Variants in SLC8A1 observed in about 807,000 individuals in gnomAD.
SLC8A1 encodes the protein sodium/calcium exchanger 1.
In SLC8A1, 18 loss-of-function variants were observed where a neutral mutation model predicts 68.3. That is an observed-to-expected ratio of 0.26 (90% CI 0.18 to 0.39). The LOEUF is 0.39. Among genes scored for constraint, SLC8A1 ranks in the 10% least tolerant of loss-of-function variants. SLC8A1 has a pLI of 1.00. For missense variants in SLC8A1, 985 were observed against 1,156.7 expected, an observed-to-expected ratio of 0.85 and a Z score of 2.15; for synonymous variants, 475 against 415.5, an observed-to-expected ratio of 1.14 and a Z score of -1.74.
intron 2 of SLC8A1, among the ~76,000 whole-genome samples, chr2:40,361,915 T>TTG: frequency 7.2e-6 from 1 of 139,628 alleles, no homozygotes; most frequent in Non-Finnish European, 1.6e-5. Flanking sequence ...TTTTTTTTTT[T>TTG]TTGGAGACAG....
chr2:40,188,675 T>G (rs921571589), intron 2 of SLC8A1, among the ~76,000 whole-genome samples: 1 of 152,240 alleles, frequency 6.6e-6, no homozygotes, highest in Admixed American at 6.5e-5. Context: ...GCAGCTAGAA[T>G]ATGCTGAAAG....
intron 2 of SLC8A1, among the ~76,000 whole-genome samples, chr2:40,361,754 G>T (rs1674692061): frequency 6.6e-6 from 1 of 151,936 alleles, no homozygotes; most frequent in Non-Finnish European, 1.5e-5. Context: ...TATCGGGTAG[G>T]AAGGATTGCC....
intron 2 of SLC8A1, among the ~76,000 whole-genome samples, chr2:40,364,615 C>T (rs1003713326): frequency 6.6e-6 from 1 of 151,800 alleles, no homozygotes; most frequent in Non-Finnish European, 1.5e-5. Flanking sequence ...AAACAGATTC[C>T]TTTTGTTCGG....
chr2:40,208,151 TA>T (rs781009867), intron 2 of SLC8A1, among the ~76,000 whole-genome samples: 2 of 152,122 alleles, frequency 1.3e-5, no homozygotes, highest in Non-Finnish European at 2.9e-5. Context: ...AGGGTGTTAG[TA>T]GTGTCCAGCT....
intron 2 of SLC8A1, among the ~76,000 whole-genome samples, chr2:40,210,799 C>G (rs1000511986): frequency 1.3e-5 from 2 of 152,202 alleles, no homozygotes; most frequent in Non-Finnish European, 1.5e-5. Context: ...CATCAGCTCT[C>G]TCTTTATTCT....
chr2:40,257,258 G>A (rs867205162), intron 2 of SLC8A1, among the ~76,000 whole-genome samples: 2 of 151,986 alleles, frequency 1.3e-5, no homozygotes, highest in African/African-American at 2.4e-5. Flanking sequence ...GCTCACTGTC[G>A]TACTCTAGTG....
At chr2:40,409,274 A>AT (rs1295412126) in intron 2 of SLC8A1, among the ~76,000 whole-genome samples, 1 of 152,008 alleles carries the variant, frequency 6.6e-6, no homozygotes, top group East Asian at 1.9e-4. Context: ...GTATATTCTA[A>AT]TTTTTTTCCT....
chr2:40,344,977 A>T (rs952433234), intron 2 of SLC8A1, among the ~76,000 whole-genome samples: 2 of 151,456 alleles, frequency 1.3e-5, no homozygotes, highest in African/African-American at 4.9e-5. Flanking sequence ...GGACTCTGGG[A>T]ATCATCTTCC....
intron 4 of SLC8A1, among the ~76,000 whole-genome samples, chr2:40,167,831 T>C (rs2046801830): frequency 6.6e-6 from 1 of 152,338 alleles, no homozygotes; most frequent in African/African-American, 2.4e-5. Context: ...CATGGACATT[T>C]TCATAGACTG....
At chr2:40,442,429 G>C (rs1700683269) in intron 1 of SLC8A1, among the ~76,000 whole-genome samples, 1 of 145,006 alleles carries the variant, frequency 6.9e-6, no homozygotes, top group South Asian at 2.2e-4. Context: ...ACATCAAAAA[G>C]TGGACAAAGG....
At chr2:40,101,081 C>G (rs993240309) in exon 8 of SLC8A1, 3 of 152,110 alleles carry the variant, frequency 2.0e-5, no homozygotes, top group African/African-American at 7.2e-5. Context: ...CACACATACA[C>G]ACATATAACC....
chr2:40,491,274 G>T (rs964610092), intron 1 of SLC8A1, among the ~76,000 whole-genome samples: 6 of 152,130 alleles, frequency 3.9e-5, no homozygotes, highest in African/African-American at 1.2e-4. Flanking sequence ...CTCATGATTT[G>T]GTTCTCTGTT....
At chr2:40,487,030 G>A (rs189597429) in intron 1 of SLC8A1, among the ~76,000 whole-genome samples, 10 of 151,994 alleles carry the variant, frequency 6.6e-5, no homozygotes, top group Non-Finnish European at 1.0e-4. Flanking sequence ...ATCACACACC[G>A]GGGCTTAATA....
At chr2:40,437,202 A>G (rs999757745) in intron 1 of SLC8A1, among the ~76,000 whole-genome samples, 1 of 152,158 alleles carries the variant, frequency 6.6e-6, no homozygotes, top group African/African-American at 2.4e-5. Context: ...TGGCAGACAC[A>G]TTTTATTTTC....
intron 2 of SLC8A1, among the ~76,000 whole-genome samples, chr2:40,210,764 T>G (rs762906089): frequency 6.6e-6 from 1 of 152,210 alleles, no homozygotes; most frequent in Non-Finnish European, 1.5e-5. Flanking sequence ...GACCTTTAGA[T>G]TCCCTACTCT....
chr2:40,404,795 C>A (rs1347973951), intron 2 of SLC8A1, among the ~76,000 whole-genome samples: 1 of 152,060 alleles, frequency 6.6e-6, no homozygotes, highest in Non-Finnish European at 1.5e-5. Context: ...AACAGGCTGT[C>A]CAAAAAGGCC....
chr2:40,430,013 G>T (rs752927856), exon 2 of SLC8A1: 1 of 1,613,866 alleles, frequency 6.2e-7, no homozygotes, highest in Non-Finnish European at 8.5e-7. Context: ...GAGACTCCAA[G>T]AAACATGTAG....
intron 2 of SLC8A1, among the ~76,000 whole-genome samples, chr2:40,312,829 C>A (rs911580047): frequency 2.6e-5 from 4 of 152,094 alleles, no homozygotes; most frequent in Non-Finnish European, 4.4e-5. Flanking sequence ...TTCACAGTTA[C>A]TCCCATGTTC....
At chr2:40,377,736 T>C (rs1189475367) in intron 2 of SLC8A1, among the ~76,000 whole-genome samples, 1 of 152,090 alleles carries the variant, frequency 6.6e-6, no homozygotes, top group East Asian at 1.9e-4. Context: ...GCACTGCAGA[T>C]ATTGTTTAGT....
Sources: allele counts gnomAD v4.1 joint callset (sites outside exome capture counted in the v4.1 genomes callset), GRCh38; gene constraint gnomAD v4.1.1; transcripts MANE v1.5; gene names NCBI Gene and HGNC (gene_info 2026-07-23, HGNC 2026-07-21).